Variants in EMSY observed in about 807,000 individuals in gnomAD.
EMSY encodes the protein EMSY transcriptional repressor, BRCA2 interacting, also known as BRCA2-interacting transcriptional repressor EMSY.
A neutral mutation model predicts 134.6 loss-of-function variants in EMSY; 26 were observed. That is an observed-to-expected ratio of 0.19 (90% CI 0.14 to 0.27). The LOEUF (loss-of-function observed/expected upper bound fraction) is 0.27, where lower values mean the gene tolerates loss of function less well. Ranked by LOEUF, EMSY falls within the 10% of genes least tolerant of loss-of-function variation. The pLI, the probability that EMSY is intolerant of heterozygous loss-of-function variation, is 1.00. For synonymous variants in EMSY, 579 were observed against 577.8 expected (o/e 1.00, Z -0.03); for missense variants, 1,305 against 1,611.4 (o/e 0.81, Z 3.26).
At chr11:76,466,572 C>G (rs759030810) in intron 7 of EMSY, among the ~76,000 whole-genome samples, 1 of 152,220 alleles carries the variant, frequency 6.6e-6, no homozygotes, top group East Asian at 1.9e-4. Flanking sequence ...GTCTTTCAAC[C>G]TTTGAATCTT....
chr11:76,493,067 C>A (rs1255560394), intron 8 of EMSY, among the ~76,000 whole-genome samples: 2 of 152,122 alleles, frequency 1.3e-5, no homozygotes, highest in Non-Finnish European at 2.9e-5. Flanking sequence ...GGGAAGCCCC[C>A]CCTTCCCTTG....
Position 76,532,175 on chromosome 11 carries a change from A to G in EMSY, c.2194+3709A>G, listed in dbSNP as rs533580290. Among the ~76,000 whole-genome samples, 3 of 152,224 alleles carry G rather than the reference A, an allele frequency of 2.0e-5. No homozygotes were observed. In the South Asian group the frequency reaches 6.2e-4, roughly 32 times the overall value. ...GGCTACTAGCTTCTCAAGCTTAAAG[A>G]TCATATTCATCTTCATACATATCTG... is the stretch of plus-strand genomic sequence containing the variant. On this transcript the variant is annotated intron_variant, in intron 14 of 20. Transcript: ENST00000334736.
rs192370526 is a variant in EMSY at position 76,483,825 on chromosome 11, T to C, written c.1108+10985T>C. ...GGAGACTTTAACACCCCACTGTCAA[T>C]ATTAGAAAGATCAACGAGACAGAAA... On this transcript the variant is annotated intron_variant, in intron 8 of 20. Coordinates refer to ENST00000334736, the Ensembl canonical transcript of EMSY. 2.5e-3 allele frequency among the ~76,000 whole-genome samples: 385 copies of C among 152,214 alleles called. 2 individuals carry two copies. The highest frequency in any genetic ancestry group is 0.02 in the Middle Eastern group (6 of 294).
chr11:76,453,626 T>G, intron 4 of EMSY: 4 of 328,632 alleles, frequency 1.2e-5, no homozygotes, highest in Admixed American at 4.8e-5. Context: ...ATGTAATCTC[T>G]GTCTAACTAA....
chr11:76,525,451 C>T (rs2136319257), intron 12 of EMSY, among the ~76,000 whole-genome samples: 1 of 152,274 alleles, frequency 6.6e-6, no homozygotes, highest in South Asian at 2.1e-4. Context: ...TAGATAGGCA[C>T]ACGTTTAGAT....
intron 12 of EMSY, among the ~76,000 whole-genome samples, chr11:76,524,352 G>T (rs2136302121): frequency 1.3e-5 from 2 of 152,192 alleles, no homozygotes; most frequent in South Asian, 4.1e-4. Flanking sequence ...TACCTGTTTA[G>T]GCTTGTTAGT....
intron 9 of EMSY, among the ~76,000 whole-genome samples, chr11:76,507,566 T>A (rs1197014068): frequency 1.3e-5 from 2 of 152,182 alleles, no homozygotes; most frequent in African/African-American, 4.8e-5. Context: ...GAAACCACAT[T>A]CGTTGTTCAT....
chr11:76,466,709 A>G (rs1451817873), intron 7 of EMSY, among the ~76,000 whole-genome samples: 1 of 152,196 alleles, frequency 6.6e-6, no homozygotes, highest in Non-Finnish European at 1.5e-5. Context: ...GTGGGATGTA[A>G]TTCTATTTTC....
chr11:76,482,136 A>G (rs539915718), intron 8 of EMSY, among the ~76,000 whole-genome samples: 189 of 152,302 alleles, frequency 1.2e-3, no homozygotes, highest in Admixed American at 4.1e-3. Flanking sequence ...AGCAAACTCC[A>G]GCAGACCTGC....
chr11:76,544,294 C>T (rs140400339), exon 19 of EMSY: 658 of 1,613,866 alleles, frequency 4.1e-4, no homozygotes, highest in Admixed American at 7.7e-4. Context: ...CCAAACACAG[C>T]GAGGAACTTG....
intron 12 of EMSY, among the ~76,000 whole-genome samples, chr11:76,523,911 G>A (rs1950749186): frequency 1.3e-5 from 2 of 151,794 alleles, no homozygotes; most frequent in Non-Finnish European, 2.9e-5. Flanking sequence ...TTAACCAGAT[G>A]TAGTAGCATG....
chr11:76,515,645 A>G (rs376081616), intron 10 of EMSY, among the ~76,000 whole-genome samples: 2 of 152,198 alleles, frequency 1.3e-5, no homozygotes, highest in East Asian at 1.9e-4. Flanking sequence ...GTATATTTAG[A>G]GGGTAGCAGA....
rs1056681277 is a variant in EMSY, at chr11:76,501,569, T to C, written c.1363+5100T>C. ...GAACTAAAAAATGCACGAGAGGGGT[T>C]CACGTGTAGATCTGAACTGGCAGAA... On this transcript the variant is annotated intron_variant, in intron 9 of 20. Coordinates refer to ENST00000334736, the Ensembl canonical transcript of EMSY. 2.0e-5 allele frequency among the ~76,000 whole-genome samples: 3 copies of C among 152,234 alleles called. No homozygotes were observed. In the South Asian group the frequency reaches 6.2e-4, roughly 32 times the overall value.
intron 3 of EMSY, 134 bp downstream of exon 3, chr11:76,452,091 C>A: frequency 1.9e-6 from 1 of 514,452 alleles, no homozygotes; most frequent in Non-Finnish European, 3.4e-6. Context: ...TGCTAAGAGA[C>A]TCCATCCCAG....
intron 5 of EMSY, 186 bp from the exon 7 acceptor site, chr11:76,459,747 A>G (rs1209628534): frequency 1.8e-6 from 1 of 554,996 alleles, no homozygotes; most frequent in African/African-American, 1.9e-5. Context: ...GGAAAAATCT[A>G]TTTAAGTGAT....
At chr11:76,521,422 G>A (rs1225682356) in intron 11 of EMSY, among the ~76,000 whole-genome samples, 1 of 152,172 alleles carries the variant, frequency 6.6e-6, no homozygotes, top group Non-Finnish European at 1.5e-5. Context: ...AAGGTACAGT[G>A]TGGAGATTAA....
chr11:76,505,243 G>GGAGGA (rs1950025677), intron 9 of EMSY, among the ~76,000 whole-genome samples: 1 of 152,024 alleles, frequency 6.6e-6, no homozygotes, highest in South Asian at 2.1e-4. Context: ...CAGCACTTTG[G>GGAGGA]GAGGCCAAGG....
chr11:76,507,489 CTTG>C (rs996520023), intron 9 of EMSY, among the ~76,000 whole-genome samples: 2 of 152,204 alleles, frequency 1.3e-5, no homozygotes, highest in African/African-American at 4.8e-5. Context: ...CTCCAAATTG[CTTG>C]TTGTTATTTC....
At chr11:76,455,617 A>G (rs1226763059) in intron 4 of EMSY, among the ~76,000 whole-genome samples, 1 of 152,162 alleles carries the variant, frequency 6.6e-6, no homozygotes, top group Admixed American at 6.5e-5. Context: ...GGTGATGAGA[A>G]AGCTGAGAAG....
Sources: gnomAD v4.1 joint callset for allele counts (sites outside exome capture counted in the v4.1 genomes callset) on GRCh38, gnomAD v4.1.1 for gene constraint, MANE v1.5 for transcripts, NCBI Gene and HGNC (gene_info 2026-07-23, HGNC 2026-07-21) for gene names.